The following UBR3 variants were observed in gnomAD, a reference collection of about 807,000 sequenced individuals.
UBR3 encodes the protein E3 ubiquitin-protein ligase UBR3.
Under a neutral mutation model 243.2 loss-of-function variants are expected in UBR3, and 85 were observed. That is an observed-to-expected ratio of 0.35 (90% CI 0.29 to 0.42). The LOEUF (loss-of-function observed/expected upper bound fraction) is 0.42. UBR3 is among the 10% of genes least tolerant of loss of function. UBR3 has a pLI of 1.00. For missense variants in UBR3, 1,686 were observed against 2,300.8 expected, an observed-to-expected ratio of 0.73 and a Z score of 5.47; for synonymous variants, 748 against 799.8, an observed-to-expected ratio of 0.94 and a Z score of 1.09.
At position 169,899,953 on chromosome 2, in the gene UBR3, A is replaced by G. The variant is rs1012474847; in HGVS notation, c.1465+3218A>G. On this transcript the variant is annotated intron_variant, in intron 8 of 38. Coordinates refer to ENST00000272793, the MANE Select transcript of UBR3 (RefSeq NM_172070.4). ...CTTTGCTATTGTGAACAGTGCCGCA[A>G]TATACATGTGCATGTGTCTTTATAG... Among the ~76,000 whole-genome samples the G allele has an allele frequency of 4.6e-5, 7 of 152,238 alleles. No individual in the cohort carries two copies. The East Asian group carries it at 9.6e-4, about 21-fold the overall frequency.
At chr2:169,918,409 A>G (rs1266898132) in intron 11 of UBR3, among the ~76,000 whole-genome samples, 1 of 151,298 alleles carries the variant, frequency 6.6e-6, no homozygotes, top group Non-Finnish European at 1.5e-5. Flanking sequence ...TACATGTGTG[A>G]TAAACATTAG....
chr2:169,836,054 TATATATATATATA>T (rs1558998836), intron 1 of UBR3, among the ~76,000 whole-genome samples: 7 of 49,594 alleles, frequency 1.4e-4, no homozygotes, highest in South Asian at 7.0e-4. Flanking sequence ...TATATATATA[TATATATATATATA>T]TTTTTTTTTT....
intron 24 of UBR3, among the ~76,000 whole-genome samples, chr2:169,971,901 G>T (rs568813031): frequency 6.6e-6 from 1 of 152,180 alleles, no homozygotes; most frequent in South Asian, 2.1e-4. Flanking sequence ...CAGAAGGCAA[G>T]AAATAACTAA....
chr2:169,976,912 T>C (rs187875445), intron 24 of UBR3, among the ~76,000 whole-genome samples: 251 of 152,238 alleles, frequency 1.6e-3, no homozygotes, highest in Middle Eastern at 3.4e-3. Flanking sequence ...TTTTCACTCT[T>C]GTATTCTTTT....
chr2:169,832,296 A>G (rs912820422), intron 1 of UBR3, among the ~76,000 whole-genome samples: 1 of 152,198 alleles, frequency 6.6e-6, no homozygotes, highest in African/African-American at 2.4e-5. Flanking sequence ...CACGCCTGCA[A>G]TCCCAGCACT....
intron 3 of UBR3, among the ~76,000 whole-genome samples, chr2:169,877,218 G>A (rs2083653060): frequency 6.6e-6 from 1 of 152,176 alleles, no homozygotes; most frequent in Admixed American, 6.5e-5. Context: ...TTCGGATCAT[G>A]TCTTATTAAT....
At chr2:170,011,466 C>A (rs1358601146) in intron 29 of UBR3, among the ~76,000 whole-genome samples, 1 of 151,966 alleles carries the variant, frequency 6.6e-6, no homozygotes, top group Admixed American at 6.6e-5. Flanking sequence ...AGAACTTGCA[C>A]ATTTATTTGT....
intron 27 of UBR3, among the ~76,000 whole-genome samples, chr2:170,006,555 A>C (rs1329725101): frequency 6.6e-6 from 1 of 152,194 alleles, no homozygotes; most frequent in Non-Finnish European, 1.5e-5. Flanking sequence ...TTTACTCTTA[A>C]AAGCTATTTA....
intron 35 of UBR3, among the ~76,000 whole-genome samples, chr2:170,063,389 G>T (rs2091492407): frequency 6.6e-6 from 1 of 152,158 alleles, no homozygotes; most frequent in African/African-American, 2.4e-5. Context: ...TTCAACTGAA[G>T]TGAGAAAAGT....
chr2:169,933,079 CA>C (rs2086198477), intron 19 of UBR3, 71 bp downstream of exon 19: 2 of 1,035,030 alleles, frequency 1.9e-6, no homozygotes, highest in Admixed American at 6.4e-5. Flanking sequence ...AGTGATAACA[CA>C]GATATGATAT....
At chr2:169,856,348 A>C (rs2082861767) in intron 1 of UBR3, among the ~76,000 whole-genome samples, 1 of 140,874 alleles carries the variant, frequency 7.1e-6, no homozygotes, top group African/African-American at 2.7e-5. Context: ...CACTTCCCAG[A>C]CTGGGCAGCC....
At chr2:169,902,604 C>T (rs573083222) in intron 8 of UBR3, among the ~76,000 whole-genome samples, 33 of 126,254 alleles carry the variant, frequency 2.6e-4, no homozygotes, top group African/African-American at 9.5e-4. Context: ...TTCACTTCCT[C>T]AGGAGAGTCT....
intron 29 of UBR3, among the ~76,000 whole-genome samples, chr2:170,009,316 C>G (rs189046650): frequency 6.6e-6 from 1 of 152,026 alleles, no homozygotes; most frequent in Admixed American, 6.6e-5. Context: ...AAAATAAGAA[C>G]AGTAAGAAAT....
intron 4 of UBR3, among the ~76,000 whole-genome samples, chr2:169,878,213 T>C (rs554329812): frequency 2.7e-4 from 41 of 152,228 alleles, no homozygotes; most frequent in African/African-American, 8.9e-4. Context: ...ATACAAAAAT[T>C]AGCTGGGCGT....
intron 1 of UBR3, among the ~76,000 whole-genome samples, chr2:169,868,645 C>A (rs984987918): frequency 2.0e-5 from 3 of 151,464 alleles, no homozygotes; most frequent in Non-Finnish European, 3.0e-5. Context: ...GTGATAATCA[C>A]AGTGTTGTTG....
At chr2:169,885,067 C>T (rs761482436) in intron 5 of UBR3, among the ~76,000 whole-genome samples, 1 of 152,110 alleles carries the variant, frequency 6.6e-6, no homozygotes, top group African/African-American at 2.4e-5. Context: ...GCACAAATGA[C>T]ATATTTGCTT....
At chr2:169,851,250 G>A (rs1559018985) in intron 1 of UBR3, among the ~76,000 whole-genome samples, 1 of 152,216 alleles carries the variant, frequency 6.6e-6, no homozygotes, top group East Asian at 1.9e-4. Flanking sequence ...TCAGCCTCCT[G>A]AGTAGCTAGG....
intron 5 of UBR3, among the ~76,000 whole-genome samples, chr2:169,884,395 G>T (rs973507018): frequency 1.3e-5 from 2 of 152,086 alleles, no homozygotes; most frequent in South Asian, 2.1e-4. Context: ...CTCGTAATCT[G>T]CCCTGGCCTC....
At chr2:169,947,447 T>G (rs916862614) in intron 21 of UBR3, 95 bp from the exon 22 acceptor site, 3 of 909,746 alleles carry the variant, frequency 3.3e-6, no homozygotes, top group Non-Finnish European at 4.5e-6. Flanking sequence ...AGGATTATGA[T>G]AGGCAGTGGA....
Sources: gnomAD v4.1 joint callset for allele counts (sites outside exome capture counted in the v4.1 genomes callset) on GRCh38, gnomAD v4.1.1 for gene constraint, MANE v1.5 for transcripts, NCBI Gene and HGNC (gene_info 2026-07-23, HGNC 2026-07-21) for gene names.